Variants in MAD1L1 observed in about 807,000 individuals in gnomAD.
MAD1L1 encodes the protein mitotic spindle assembly checkpoint protein MAD1.
A neutral mutation model predicts 96.9 loss-of-function variants in MAD1L1; 95 were observed. The observed-to-expected ratio is 0.98, with a 90% CI of 0.83 to 1.16. MAD1L1 has a LOEUF of 1.16. Among genes scored for constraint, MAD1L1 ranks in the 50% most tolerant of loss-of-function variants. The pLI, the probability that MAD1L1 is intolerant of heterozygous loss-of-function variation, is 0.00. For missense variants in MAD1L1, 1,007 were observed against 954.4 expected (o/e 1.06, Z -0.73); for synonymous variants, 473 against 396.6 (o/e 1.19, Z -2.29).
chr7:1,874,589 C>A (rs755017799), intron 18 of MAD1L1: 33 of 447,652 alleles, frequency 7.4e-5, no homozygotes, highest in Non-Finnish European at 1.3e-4. Flanking sequence ...TCTCACCTAT[C>A]AGCATTACCC....
At chr7:2,023,337 CTCAGACCACACTAAAATTAAACTGGAAA>C (rs1443137084) in intron 12 of MAD1L1, among the ~76,000 whole-genome samples, 1 of 152,184 alleles carries the variant, frequency 6.6e-6, no homozygotes, top group African/African-American at 2.4e-5. Flanking sequence ...AAAGTAAGCT[CTCAGACCACACTAAAATTAAACTGGAAA>C]TCAGTAACAG....
At chr7:1,915,937 G>A (rs770952669) in intron 17 of MAD1L1, among the ~76,000 whole-genome samples, 1 of 152,224 alleles carries the variant, frequency 6.6e-6, no homozygotes, top group Non-Finnish European at 1.5e-5. Flanking sequence ...ATTTAAAACT[G>A]CTTATCAAAA....
intron 10 of MAD1L1, among the ~76,000 whole-genome samples, chr7:2,162,812 AAT>A (rs146168991): frequency 0.24 from 36,475 of 151,134 alleles, 5,434 homozygotes; most frequent in Middle Eastern, 0.32. Context: ...AAAAACACAC[AAT>A]TATCTTTCAA....
intron 11 of MAD1L1, among the ~76,000 whole-genome samples, chr7:2,094,203 G>T (rs944456692): frequency 1.2e-4 from 19 of 152,226 alleles, no homozygotes; most frequent in Non-Finnish European, 1.0e-4. Flanking sequence ...AGGCTGAGCA[G>T]GGACCCACCC....
intron 10 of MAD1L1, among the ~76,000 whole-genome samples, chr7:2,159,915 G>A (rs1047994386): frequency 1.3e-5 from 2 of 152,200 alleles, no homozygotes; most frequent in Non-Finnish European, 2.9e-5. Flanking sequence ...CTGCATGGCT[G>A]TGTTGATTCA....
intron 11 of MAD1L1, among the ~76,000 whole-genome samples, chr7:2,144,393 C>T (rs1478568391): frequency 6.6e-6 from 1 of 152,180 alleles, no homozygotes; most frequent in East Asian, 1.9e-4. Context: ...TGAGAGGCCC[C>T]GCTCCCGCCA....
chr7:2,051,597 C>A (rs1784172758), intron 12 of MAD1L1, among the ~76,000 whole-genome samples: 1 of 152,068 alleles, frequency 6.6e-6, no homozygotes, highest in African/African-American at 2.4e-5. Flanking sequence ...AAGACTGGGC[C>A]TTCCCTGCAT....
intron 11 of MAD1L1, among the ~76,000 whole-genome samples, chr7:2,091,216 C>T (rs1436338249): frequency 1.3e-5 from 2 of 152,200 alleles, no homozygotes; most frequent in Non-Finnish European, 2.9e-5. Flanking sequence ...CTACCCCAGT[C>T]CTAAAACCAG....
chr7:2,203,832 C>T (rs1792444330), intron 10 of MAD1L1, among the ~76,000 whole-genome samples: 1 of 152,158 alleles, frequency 6.6e-6, no homozygotes, highest in South Asian at 2.1e-4. Flanking sequence ...AAAGACGAAC[C>T]GGGGCCAAGC....
At chr7:1,870,145 G>A (rs1262250276) in intron 18 of MAD1L1, among the ~76,000 whole-genome samples, 1 of 152,056 alleles carries the variant, frequency 6.6e-6, no homozygotes, top group African/African-American at 2.4e-5. Flanking sequence ...AGGCTGTGCA[G>A]GTGGCAGCTC....
At chr7:1,832,633 C>CG (rs1277645069) in intron 18 of MAD1L1, among the ~76,000 whole-genome samples, 109 of 1,992 alleles carry the variant, frequency 0.055, 1 homozygote, top group Non-Finnish European at 0.075. Flanking sequence ...TTTTTTTTGG[C>CG]GGGGGGGGGG....
intron 17 of MAD1L1, among the ~76,000 whole-genome samples, chr7:1,924,986 A>C (rs1248094660): frequency 6.6e-6 from 1 of 152,242 alleles, no homozygotes; most frequent in African/African-American, 2.4e-5. Context: ...TAGATACATC[A>C]AAATGGAGTA....
At chr7:2,147,256 G>A (rs184934392) in intron 11 of MAD1L1, among the ~76,000 whole-genome samples, 1 of 152,128 alleles carries the variant, frequency 6.6e-6, no homozygotes, top group Non-Finnish European at 1.5e-5. Flanking sequence ...CGCCCCCCAG[G>A]ACCTGCAGGC....
At chr7:2,087,886 T>C (rs1221654462) in intron 11 of MAD1L1, among the ~76,000 whole-genome samples, 3 of 152,046 alleles carry the variant, frequency 2.0e-5, no homozygotes, top group African/African-American at 7.2e-5. Flanking sequence ...AGCACGGCGC[T>C]AGCAGCTGAA....
intron 15 of MAD1L1, among the ~76,000 whole-genome samples, chr7:1,972,405 A>G (rs1308178139): frequency 6.6e-6 from 1 of 152,144 alleles, no homozygotes; most frequent in African/African-American, 2.4e-5. Context: ...CAGATAACCT[A>G]TTTCATCTTG....
intron 17 of MAD1L1, among the ~76,000 whole-genome samples, chr7:1,902,562 G>A (rs1385344260): frequency 3.9e-5 from 6 of 152,244 alleles, no homozygotes; most frequent in Non-Finnish European, 5.9e-5. Flanking sequence ...AGGTACCGAC[G>A]GATCTTAGGA....
intron 18 of MAD1L1, among the ~76,000 whole-genome samples, chr7:1,884,316 A>C (rs534999463): frequency 5.3e-5 from 8 of 152,306 alleles, no homozygotes; most frequent in African/African-American, 1.9e-4. Context: ...GCCATCCACC[A>C]GTGCACCCCT....
At chr7:2,151,391 C>T (rs948461996) in intron 10 of MAD1L1, among the ~76,000 whole-genome samples, 2 of 152,228 alleles carry the variant, frequency 1.3e-5, no homozygotes, top group African/African-American at 4.8e-5. Flanking sequence ...CGCCTCACAC[C>T]CCTCAGGGAC....
rs531965607 is a variant in MAD1L1 at position 2,052,518 on chromosome 7, C to T, written c.1218+16676G>A. 9.9e-5 allele frequency among the ~76,000 whole-genome samples: 15 copies of T among 152,182 alleles called. No homozygotes were observed. The South Asian group carries it at 1.9e-3, about 19-fold the overall frequency. ...AGGGGGCTGGACACTCACTGGGGCC[C>T]GGGCACGGTGCCCAGGGAGGGCACC... On this transcript the variant is annotated intron_variant, in intron 12 of 18. Transcript: ENST00000265854.
Sources: gnomAD v4.1 joint callset for allele counts (sites outside exome capture counted in the v4.1 genomes callset) on GRCh38, gnomAD v4.1.1 for gene constraint, MANE v1.5 for transcripts, NCBI Gene and HGNC (gene_info 2026-07-23, HGNC 2026-07-21) for gene names.